The following TUSC3 variants were observed in gnomAD, a reference collection of about 807,000 sequenced individuals.
TUSC3 encodes tumor suppressor candidate 3, also known as dolichyl-diphosphooligosaccharide--protein glycosyltransferase subunit TUSC3.
A neutral mutation model predicts 44.8 loss-of-function variants in TUSC3; 45 were observed. The observed-to-expected ratio is 1.00, with a 90% confidence interval of 0.79 to 1.29. The LOEUF (loss-of-function observed/expected upper bound fraction) is 1.29, where lower values mean the gene tolerates loss of function less well. Among genes scored for constraint, TUSC3 ranks in the 50% most tolerant of loss-of-function variants. The pLI is 0.00. For missense variants in TUSC3, 519 were observed against 437.9 expected (o/e 1.19, Z -1.65); for synonymous variants, 212 against 152.9 (o/e 1.39, Z -2.85).
At chr8:15,517,649 G>T (rs1336304430) in intron 2 of TUSC3, among the ~76,000 whole-genome samples, 1 of 150,534 alleles carries the variant, frequency 6.6e-6, no homozygotes, top group African/African-American at 2.5e-5. Flanking sequence ...ACCTCAAAAG[G>T]AGACTTGTCT....
chr8:15,625,976 A>T (rs1002992302), intron 2 of TUSC3, among the ~76,000 whole-genome samples: 4 of 152,242 alleles, frequency 2.6e-5, no homozygotes, highest in African/African-American at 9.6e-5. Flanking sequence ...TATATACCTT[A>T]ACGATGGCAG....
chr8:15,711,404 C>G (rs938362535), intron 6 of TUSC3, among the ~76,000 whole-genome samples: 15 of 150,468 alleles, frequency 1.0e-4, no homozygotes, highest in African/African-American at 3.6e-4. Context: ...TTTACTTTTT[C>G]TAAACCAAAA....
upstream of TUSC3, among the ~76,000 whole-genome samples, chr8:15,538,188 C>G (rs1395103953): frequency 6.6e-6 from 1 of 152,202 alleles, no homozygotes; most frequent in Non-Finnish European, 1.5e-5. Flanking sequence ...CCAAATAAGG[C>G]AAACGTAGCT....
intron 7 of TUSC3, among the ~76,000 whole-genome samples, chr8:15,742,529 G>C (rs1292413017): frequency 6.6e-6 from 1 of 152,168 alleles, no homozygotes; most frequent in African/African-American, 2.4e-5. Flanking sequence ...GTTCTGTGCA[G>C]AATTTTCTCT....
chr8:15,826,771 G>A, the TUSC3 span, among the ~76,000 whole-genome samples: 1 of 152,094 alleles, frequency 6.6e-6, no homozygotes, highest in South Asian at 2.1e-4. Context: ...AAAAAAAAGA[G>A]AACTCTTCAG....
chr8:15,769,426 C>G (rs1338179088), downstream of TUSC3, among the ~76,000 whole-genome samples: 1 of 152,086 alleles, frequency 6.6e-6, no homozygotes, highest in African/African-American at 2.4e-5. Flanking sequence ...CAAAAATTAA[C>G]TCAAGATGGA....
chr8:15,741,110 C>T (rs540076205), intron 7 of TUSC3, among the ~76,000 whole-genome samples: 19 of 151,000 alleles, frequency 1.3e-4, no homozygotes, highest in African/African-American at 4.4e-4. Context: ...ATATACTTTT[C>T]CCTGAGTTCA....
intron 1 of TUSC3, among the ~76,000 whole-genome samples, chr8:15,429,320 T>C (rs889637929): frequency 6.6e-6 from 1 of 151,830 alleles, no homozygotes; most frequent in Non-Finnish European, 1.5e-5. Context: ...TTCTGTTCCA[T>C]TGATCTATAT....
intron 6 of TUSC3, among the ~76,000 whole-genome samples, chr8:15,687,553 G>T (rs142580241): frequency 6.6e-6 from 1 of 151,974 alleles, no homozygotes; most frequent in Non-Finnish European, 1.5e-5. Context: ...TTTCCACCTG[G>T]TTTTAATTTT....
chr8:15,536,239 A>T (rs572149388), upstream of TUSC3, among the ~76,000 whole-genome samples: 16 of 152,200 alleles, frequency 1.1e-4, no homozygotes, highest in Non-Finnish European at 2.2e-4. Flanking sequence ...GAGGAAAAAT[A>T]GGAAATGATG....
At chr8:15,539,740 C>T (rs1309931002), upstream of TUSC3, among the ~76,000 whole-genome samples, 1 of 152,094 alleles carries the variant, frequency 6.6e-6, no homozygotes, top group Non-Finnish European at 1.5e-5. Context: ...GTGCTCTGTA[C>T]TTATGCACTC....
In TUSC3 at chr8:15,426,247, G is replaced by T. The variant is rs536522118; in HGVS notation, n.91+8942G>T. ...CGTTTGTTTTTGTTCTTGTTTCTCTGTGAAAAGAACACCTAACATAAAATC... is the reference window on the plus strand; with the variant it reads ...CGTTTGTTTTTGTTCTTGTTTCTCTTTGAAAAGAACACCTAACATAAAATC... On this transcript the variant is annotated intron_variant and non_coding_transcript_variant, in intron 1 of 5. Transcript: ENST00000503191. Among the ~76,000 whole-genome samples, 100 of 152,156 alleles carry T rather than the reference G, an allele frequency of 6.6e-4. 1 individual carries two copies. The highest frequency in any genetic ancestry group is 2.2e-3 in the African/African-American group (90 of 41,508).
intron 1 of TUSC3, among the ~76,000 whole-genome samples, chr8:15,449,661 C>T (rs1800167209): frequency 6.6e-6 from 1 of 152,146 alleles, no homozygotes; most frequent in Non-Finnish European, 1.5e-5. Context: ...GGAATTCAGC[C>T]TCCACCTTTT....
the TUSC3 span, among the ~76,000 whole-genome samples, chr8:15,782,903 A>T: frequency 5.9e-5 from 9 of 152,166 alleles, no homozygotes; most frequent in African/African-American, 2.2e-4. Context: ...TAAACAAAAG[A>T]TGTTCAAATT....
the TUSC3 span, among the ~76,000 whole-genome samples, chr8:15,841,993 AT>A: frequency 2.0e-5 from 3 of 152,212 alleles, no homozygotes; most frequent in Non-Finnish European, 4.4e-5. Flanking sequence ...ACATGGTTGA[AT>A]TAAACATAAC....
the TUSC3 span, among the ~76,000 whole-genome samples, chr8:15,846,265 A>G: frequency 3.9e-5 from 6 of 152,180 alleles, no homozygotes; most frequent in African/African-American, 9.7e-5. Flanking sequence ...TTGCATTTAC[A>G]TATTCAACAC....
chr8:15,757,958 A>G, intron 10 of TUSC3, 103 bp downstream of exon 10: 2 of 1,512,402 alleles, frequency 1.3e-6, no homozygotes, highest in South Asian at 2.5e-5. Flanking sequence ...TTACTGTTTT[A>G]CAAATGTAAG....
chr8:15,430,101 G>A (rs1585785051), intron 1 of TUSC3, among the ~76,000 whole-genome samples: 1 of 151,096 alleles, frequency 6.6e-6, no homozygotes, highest in Non-Finnish European at 1.5e-5. Flanking sequence ...AATAGAAAAA[G>A]AGGGAATCCT....
chr8:15,506,460 CT>C (rs1801051531), intron 2 of TUSC3, among the ~76,000 whole-genome samples: 1 of 152,166 alleles, frequency 6.6e-6, no homozygotes, highest in African/African-American at 2.4e-5. Flanking sequence ...CATATGACCC[CT>C]TGTATTAGCT....
Sources: allele counts gnomAD v4.1 joint callset (sites outside exome capture counted in the v4.1 genomes callset), GRCh38; gene constraint gnomAD v4.1.1; transcripts MANE v1.5; gene names NCBI Gene and HGNC (gene_info 2026-07-23, HGNC 2026-07-21).